NFILZ: variants seen among roughly 807,000 people sequenced by gnomAD.
NFILZ encodes NFIL3 like basic leucine zipper, also known as NFIL3 like protein.
rs974727641 is a variant in NFILZ, at chr19:8,680,430, T to C, written c.*2795T>C. ...TTTGTTGTAAAAAGTCTGAAAATCA[T>C]ATGCAGCCGAGTTGGCAGTCTTTTC... On this transcript the variant is annotated 3_prime_UTR_variant, in exon 6 of 6. Coordinates refer to ENST00000691075, the MANE Select transcript of NFILZ (RefSeq NM_001378600.1). 7.9e-5 allele frequency among the ~76,000 whole-genome samples: 12 copies of C among 152,300 alleles called. No homozygotes were observed. Among genetic ancestry groups the C allele is most frequent in the Non-Finnish European group, 1.3e-4 (9 of 68,020 alleles).
intron 4 of NFILZ, among the ~76,000 whole-genome samples, chr19:8,675,351 A>T (rs1375482931): frequency 6.6e-6 from 1 of 152,168 alleles, no homozygotes; most frequent in Non-Finnish European, 1.5e-5. Flanking sequence ...TAGAACCCAG[A>T]TCTTTGTGTT....
chr19:8,632,808 C>T (rs1181321806), intron 2 of NFILZ, among the ~76,000 whole-genome samples, 183 bp downstream of exon 2: 3 of 151,198 alleles, frequency 2.0e-5, no homozygotes, highest in South Asian at 2.1e-4. Flanking sequence ...CTGCAACCTC[C>T]GCCTCCCAGG....
At position 8,659,151 on chromosome 19, in the gene NFILZ, G is replaced by C. The variant is rs2043018403; in HGVS notation, c.-163-15400G>C. On this transcript the variant is annotated intron_variant, in intron 3 of 5. Coordinates refer to ENST00000691075, the MANE Select transcript of NFILZ (RefSeq NM_001378600.1). ...GATCCCAGCTACTCGGGAGGCTGAGGCAGGAGAATCACTTGCACCTGAGAA... is the reference window on the plus strand; with the variant it reads ...GATCCCAGCTACTCGGGAGGCTGAGCCAGGAGAATCACTTGCACCTGAGAA... 2.0e-5 allele frequency among the ~76,000 whole-genome samples: 3 copies of C among 151,784 alleles called. No individual in the cohort carries two copies. The South Asian group carries it at 6.3e-4, about 32-fold the overall frequency.
chr19:8,656,427 C>CGCAGCCCACCTTCTCCT (rs1568421623), intron 3 of NFILZ, among the ~76,000 whole-genome samples: 1 of 32,920 alleles, frequency 3.0e-5, no homozygotes, highest in Non-Finnish European at 7.8e-5. Context: ...CACCTCTTTC[C>CGCAGCCCACCTTCTCCT]GCAGCCCACC....
chr19:8,656,280 T>TCC lies in NFILZ; in HGVS notation c.-163-18271_-163-18270insCC, dbSNP rs2042993785. Among the ~76,000 whole-genome samples, 2 of 98,126 alleles carry TCC rather than the reference T, an allele frequency of 2.0e-5. 1 individual carries two copies. Among genetic ancestry groups the TCC allele is most frequent in the Non-Finnish European group, 4.5e-5 (2 of 44,402 alleles). The allele number at this position is 98,126 out of a possible 152,430, so 64.4% of individuals were successfully genotyped here. A position where few individuals can be genotyped will look rare whatever the true frequency, so the allele number is the denominator to read the frequency against. On this transcript the variant is annotated intron_variant, in intron 3 of 5. Coordinates refer to ENST00000691075, the MANE Select transcript of NFILZ (RefSeq NM_001378600.1). Reference sequence around the variant, plus strand: ...GCCCATCTTCTCTCTGAAGCCCACCTTCTCCCCACAGCCCACCTCCTCCCG... The same window carrying TCC: ...GCCCATCTTCTCTCTGAAGCCCACCTCCTCTCCCCACAGCCCACCTCCTCCCG...
intron 3 of NFILZ, among the ~76,000 whole-genome samples, chr19:8,669,104 C>T (rs112683585): frequency 0.014 from 2,180 of 152,124 alleles, 60 homozygotes; most frequent in African/African-American, 0.049. Flanking sequence ...CTACCATGCC[C>T]GGCTAATTTT....
At chr19:8,659,538 T>A (rs567868864) in intron 3 of NFILZ, among the ~76,000 whole-genome samples, 1 of 152,274 alleles carries the variant, frequency 6.6e-6, no homozygotes, top group African/African-American at 2.4e-5. Context: ...ACGCTCCATC[T>A]GGATCTCCCA....
chr19:8,635,955 G>T lies in NFILZ; in HGVS notation c.-164+209G>T, dbSNP rs142128423. Among the ~76,000 whole-genome samples, 861 of 152,166 alleles carry T rather than the reference G, an allele frequency of 5.7e-3. 13 individuals carry two copies. Among genetic ancestry groups the T allele is most frequent in the African/African-American group, 0.02 (813 of 41,540 alleles). ...GGGCTCAAGCTATTTTCCTGTCTCAGCCTCCAGAGTAGCTGGAATTACAGG... is the reference window on the plus strand; with the variant it reads ...GGGCTCAAGCTATTTTCCTGTCTCATCCTCCAGAGTAGCTGGAATTACAGG... On this transcript the variant is annotated intron_variant, in intron 3 of 5. Transcript: ENST00000691075.
intron 3 of NFILZ, among the ~76,000 whole-genome samples, chr19:8,656,317 C>A: frequency 1.4e-5 from 1 of 70,636 alleles, no homozygotes; most frequent in South Asian, 5.1e-4. Flanking sequence ...AGCGCACCTC[C>A]TCCCTGAAGC....
chr19:8,656,350 T>TTCTCCTGCAGCCCAC (rs1600147418), intron 3 of NFILZ, among the ~76,000 whole-genome samples: 17 of 103,934 alleles, frequency 1.6e-4, no homozygotes, highest in African/African-American at 5.1e-4. Flanking sequence ...GAAGCCCACC[T>TTCTCCTGCAGCCCAC]CTTCCCTGAA....
intron 3 of NFILZ, among the ~76,000 whole-genome samples, chr19:8,664,707 C>G (rs1364391134): frequency 2.6e-5 from 4 of 151,998 alleles, no homozygotes; most frequent in African/African-American, 7.2e-5. Context: ...TGCCCAGGGC[C>G]GTGGGAATAG....
intron 3 of NFILZ, among the ~76,000 whole-genome samples, chr19:8,660,795 G>T (rs1299274500): frequency 6.6e-6 from 1 of 151,624 alleles, no homozygotes; most frequent in Non-Finnish European, 1.5e-5. Context: ...CCACCACCAT[G>T]CCTGGTTAAT....
At chr19:8,657,391 C>T (rs78944876) in intron 3 of NFILZ, among the ~76,000 whole-genome samples, 3,012 of 152,098 alleles carry the variant, frequency 0.02, 43 homozygotes, top group Non-Finnish European at 0.033. Context: ...CGTCAGCCAC[C>T]GCGCCTGGCC....
Position 8,679,034 on chromosome 19 carries a change from G to A in NFILZ, c.*1399G>A, listed in dbSNP as rs2043132421. On this transcript the variant is annotated 3_prime_UTR_variant, in exon 6 of 6. Transcript: ENST00000691075. ...GCTTGCTTACCACCCAGTTTGAGGG[G>A]CAGACATATTGGCTTCTTCTGTGTC... is the stretch of plus-strand genomic sequence containing the variant. 1.3e-5 allele frequency among the ~76,000 whole-genome samples: 2 copies of A among 150,774 alleles called. No individual in the cohort carries two copies. The highest frequency in any genetic ancestry group is 4.9e-5 in the African/African-American group (2 of 41,032).
rs368208683 is a variant in NFILZ at position 8,655,414 on chromosome 19, C to T, written c.-163-19137C>T. Among the ~76,000 whole-genome samples, 10 of 152,308 alleles carry T rather than the reference C, an allele frequency of 6.6e-5. No individual in the cohort carries two copies. In the East Asian group the frequency reaches 1.4e-3, roughly 21 times the overall value. On this transcript the variant is annotated intron_variant, in intron 3 of 5. Coordinates refer to ENST00000691075, the MANE Select transcript of NFILZ (RefSeq NM_001378600.1). ...CCCTCCTGGTGGGGCTGTTTACTCTCCAGTGATGTCCCTGAGTCTGGGCCA... is the reference window on the plus strand; with the variant it reads ...CCCTCCTGGTGGGGCTGTTTACTCTTCAGTGATGTCCCTGAGTCTGGGCCA...
chr19:8,638,875 G>A (rs150898593), intron 3 of NFILZ, among the ~76,000 whole-genome samples: 7 of 143,958 alleles, frequency 4.9e-5, no homozygotes, highest in Admixed American at 2.9e-4. Flanking sequence ...ATGGAATCTC[G>A]CTCTGTTGCC....
chr19:8,649,946 C>CT (rs1340389466), intron 3 of NFILZ, among the ~76,000 whole-genome samples: 2 of 151,844 alleles, frequency 1.3e-5, no homozygotes, highest in Non-Finnish European at 2.9e-5. Context: ...GAAACCCCGT[C>CT]TGTACTAAAA....
At chr19:8,648,952 T>C (rs1303340195) in intron 3 of NFILZ, among the ~76,000 whole-genome samples, 11 of 152,042 alleles carry the variant, frequency 7.2e-5, no homozygotes, top group Admixed American at 7.2e-4. Flanking sequence ...TAATTAAGCA[T>C]ATTTATGTAT....
chr19:8,676,483 T>G (rs781889996), intron 5 of NFILZ, among the ~76,000 whole-genome samples, 27 bp downstream of exon 5: 1 of 152,184 alleles, frequency 6.6e-6, no homozygotes, highest in African/African-American at 2.4e-5. Context: ...TGGAAGAGCA[T>G]GTGTCCTTCT....
Sources: gnomAD v4.1 joint callset for allele counts (sites outside exome capture counted in the v4.1 genomes callset) on GRCh38, gnomAD v4.1.1 for gene constraint, MANE v1.5 for transcripts, NCBI Gene and HGNC (gene_info 2026-07-23, HGNC 2026-07-21) for gene names.